The following WASL variants were observed in gnomAD, a reference collection of about 807,000 sequenced individuals.
WASL encodes the protein actin nucleation-promoting factor WASL.
A neutral mutation model predicts 55.5 loss-of-function variants in WASL; 20 were observed. That is an observed-to-expected ratio of 0.36 (90% CI 0.25 to 0.52). The LOEUF (loss-of-function observed/expected upper bound fraction) is 0.52. Ranked by LOEUF, WASL falls within the 20% of genes least tolerant of loss-of-function variation. The pLI is 0.92. For synonymous variants in WASL, 249 were observed against 217.6 expected (o/e 1.14, Z -1.27); for missense variants, 504 against 622.5 (o/e 0.81, Z 2.03).
At position 123,684,255 on chromosome 7, in the gene WASL, T is replaced by G. The variant is rs1803249990; in HGVS notation, c.*264A>C. Reference sequence around the variant, plus strand: ...ACATATAGTATTTAAACTCCCTTGTTGATGGAATGAAAAATATTCACAAAT... The same window carrying G: ...ACATATAGTATTTAAACTCCCTTGTGGATGGAATGAAAAATATTCACAAAT... On this transcript the variant is annotated 3_prime_UTR_variant, in exon 11 of 11. Coordinates refer to ENST00000223023, the MANE Select transcript of WASL (RefSeq NM_003941.4). 1 of 177,408 alleles carries G rather than the reference T, an allele frequency of 5.6e-6. No individual in the cohort carries two copies. Among genetic ancestry groups the G allele is most frequent in the Non-Finnish European group, 1.2e-5 (1 of 85,132 alleles). The allele number at this position is 177,408 out of a possible 1,614,324, so 11.0% of individuals were successfully genotyped here.
chr7:123,706,194 T>G, intron 4 of WASL, 83 bp downstream of exon 4: 1 of 1,317,292 alleles, frequency 7.6e-7, no homozygotes, highest in East Asian at 2.3e-5. Context: ...TAAACTTTTA[T>G]TTACAAAAAA....
intron 1 of WASL, among the ~76,000 whole-genome samples, chr7:123,747,794 G>T (rs888778274): frequency 5.9e-5 from 9 of 152,100 alleles, no homozygotes; most frequent in Admixed American, 5.9e-4. Flanking sequence ...GAATGCTTCC[G>T]TCAACAACAC....
rs576239887 is a variant in WASL at position 123,720,917 on chromosome 7, T to C, written c.118-11694A>G. 7.9e-5 allele frequency among the ~76,000 whole-genome samples: 12 copies of C among 151,960 alleles called. No individual in the cohort carries two copies. The East Asian group carries it at 2.1e-3, about 27-fold the overall frequency. On this transcript the variant is annotated intron_variant, in intron 1 of 10. Coordinates refer to ENST00000223023, the MANE Select transcript of WASL (RefSeq NM_003941.4). ...TACTCAAATCACATTATGGTGCAAG[T>C]CTGAAACAAACAAACAAAAATAACC...
chr7:123,732,035 A>C (rs1285684631), intron 1 of WASL, among the ~76,000 whole-genome samples: 1 of 152,030 alleles, frequency 6.6e-6, no homozygotes, highest in East Asian at 1.9e-4. Context: ...TAACATAAAA[A>C]CAGAAAAGGC....
intron 1 of WASL, among the ~76,000 whole-genome samples, chr7:123,742,459 G>C (rs1562967855): frequency 1.3e-5 from 2 of 152,054 alleles, no homozygotes; most frequent in Non-Finnish European, 2.9e-5. Context: ...AAGTAACCAA[G>C]TCAATTCACT....
chr7:123,689,423 A>C (rs1267305323), intron 9 of WASL, among the ~76,000 whole-genome samples: 1 of 152,230 alleles, frequency 6.6e-6, no homozygotes, highest in Non-Finnish European at 1.5e-5. Context: ...CCTCTCCTGA[A>C]TAATACTTGC....
Position 123,748,952 on chromosome 7 carries a change from G to A in WASL, c.-218C>T, listed in dbSNP as rs1369406469. On this transcript the variant is annotated 5_prime_UTR_variant, in exon 1 of 11. Coordinates refer to ENST00000223023, the MANE Select transcript of WASL (RefSeq NM_003941.4). ...TGAGAAAGGGAAGCTCCCGGCACCC[G>A]CCCGGCCAGGCTAGGGCCGGATGGT... 5.3e-6 allele frequency: 3 copies of A among 567,588 alleles called. No individual in the cohort carries two copies. Among genetic ancestry groups the A allele is most frequent in the East Asian group, 3.2e-5 (1 of 31,232 alleles). The allele number at this position is 567,588 out of a possible 1,614,324, so 35.2% of individuals were successfully genotyped here. A position where few individuals can be genotyped will look rare whatever the true frequency, so the allele number is the denominator to read the frequency against.
intron 4 of WASL, among the ~76,000 whole-genome samples, chr7:123,704,920 C>T (rs904731087): frequency 1.3e-5 from 2 of 151,934 alleles, no homozygotes; most frequent in Admixed American, 1.3e-4. Context: ...TGAAAGGAGA[C>T]AAGAAGGAAA....
At chr7:123,699,858 G>A (rs1803549326) in intron 5 of WASL, among the ~76,000 whole-genome samples, 1 of 152,048 alleles carries the variant, frequency 6.6e-6, no homozygotes, top group Non-Finnish European at 1.5e-5. Context: ...AGTCATTATA[G>A]ATGAATTTCA....
At chr7:123,740,676 T>C (rs1804325470) in intron 1 of WASL, among the ~76,000 whole-genome samples, 1 of 152,010 alleles carries the variant, frequency 6.6e-6, no homozygotes, top group African/African-American at 2.4e-5. Context: ...GCTTACTGCA[T>C]CCTTGAATTC....
At position 123,684,424 on chromosome 7, in the gene WASL, T is replaced by C. The variant is rs771619446; in HGVS notation, c.*95A>G. On this transcript the variant is annotated 3_prime_UTR_variant, in exon 11 of 11. Transcript: ENST00000223023. ...GCAACAAAAATATACAGCAAATTGGTAGAACATTTACATGATAATTTTACA... is the reference window on the plus strand; with the variant it reads ...GCAACAAAAATATACAGCAAATTGGCAGAACATTTACATGATAATTTTACA... 7 of 436,932 alleles carry C rather than the reference T, an allele frequency of 1.6e-5. No individual in the cohort carries two copies. Among genetic ancestry groups the C allele is most frequent in the Non-Finnish European group, 2.9e-5 (7 of 244,292 alleles). The allele number at this position is 436,932 out of a possible 1,614,324, so 27.1% of individuals were successfully genotyped here. A position where few individuals can be genotyped will look rare whatever the true frequency, so the allele number is the denominator to read the frequency against.
chr7:123,704,622 CA>C lies in WASL; in HGVS notation c.460+11del. ...AAAATCTTAAAAGATTAATAATTGT[CA>C]AAAAGCTTACCATTTGGGGGATCTC... is the stretch of plus-strand genomic sequence containing the variant. On this transcript the variant is annotated intron_variant, in intron 5 of 10. Coordinates refer to ENST00000223023, the MANE Select transcript of WASL (RefSeq NM_003941.4). 1 of 1,510,970 alleles carries C rather than the reference CA, an allele frequency of 6.6e-7. No individual in the cohort carries two copies. Among genetic ancestry groups the C allele is most frequent in the Non-Finnish European group, 9.0e-7 (1 of 1,105,808 alleles). The allele number at this position is 1,510,970 out of a possible 1,614,324, so 93.6% of individuals were successfully genotyped here. A position where few individuals can be genotyped will look rare whatever the true frequency, so the allele number is the denominator to read the frequency against.
At chr7:123,715,035 T>G (rs983469385) in intron 1 of WASL, among the ~76,000 whole-genome samples, 1 of 152,108 alleles carries the variant, frequency 6.6e-6, no homozygotes, top group Admixed American at 6.6e-5. Context: ...GATTTAATGT[T>G]AAAGTAATAC....
At chr7:123,742,155 G>A (rs1286978907) in intron 1 of WASL, among the ~76,000 whole-genome samples, 1 of 152,120 alleles carries the variant, frequency 6.6e-6, no homozygotes, top group Admixed American at 6.5e-5. Flanking sequence ...CTAATATCCA[G>A]AGCACAGCAA....
In WASL at chr7:123,731,529, G is replaced by A. The variant is rs148902326; in HGVS notation, c.117+17089C>T. ...CATTCTTCTCAAACACATATGGAAC[G>A]ATCACCAAGAGAGACCACATTTTGG... On this transcript the variant is annotated intron_variant, in intron 1 of 10. Transcript: ENST00000223023. Among the ~76,000 whole-genome samples the A allele has an allele frequency of 2.5e-3, 376 of 152,058 alleles. 3 individuals carry two copies. Among genetic ancestry groups the A allele is most frequent in the African/African-American group, 8.4e-3 (348 of 41,496 alleles).
At chr7:123,713,360 G>A (rs12706546) in intron 1 of WASL, among the ~76,000 whole-genome samples, 65,786 of 151,764 alleles carry the variant, frequency 0.43, 14,797 homozygotes, top group South Asian at 0.66. Context: ...ACTATGTTAC[G>A]CAGGCTGGTC....
chr7:123,729,966 T>C (rs181345681), intron 1 of WASL, among the ~76,000 whole-genome samples: 5 of 152,260 alleles, frequency 3.3e-5, no homozygotes, highest in African/African-American at 9.6e-5. Context: ...TTGGAGGAAT[T>C]TTCTCTCCAG....
At chr7:123,712,233 A>T (rs1216202698) in intron 1 of WASL, among the ~76,000 whole-genome samples, 3 of 152,024 alleles carry the variant, frequency 2.0e-5, no homozygotes, top group Non-Finnish European at 4.4e-5. Context: ...TCTTACTCTA[A>T]ATCAGAATAA....
intron 1 of WASL, among the ~76,000 whole-genome samples, chr7:123,716,877 C>G (rs1378565341): frequency 6.6e-6 from 1 of 152,096 alleles, no homozygotes; most frequent in Non-Finnish European, 1.5e-5. Flanking sequence ...ACAATCCCCT[C>G]ATTTTATAGG....
Sources: gnomAD v4.1 joint callset for allele counts (sites outside exome capture counted in the v4.1 genomes callset) on GRCh38, gnomAD v4.1.1 for gene constraint, MANE v1.5 for transcripts, NCBI Gene and HGNC (gene_info 2026-07-23, HGNC 2026-07-21) for gene names.